Variants in HEATR5B observed in about 807,000 individuals in gnomAD.
HEATR5B encodes HEAT repeat containing 5B.
Under a neutral mutation model 224.1 loss-of-function variants are expected in HEATR5B, and 156 were observed. The observed-to-expected ratio is 0.70, with a 90% CI of 0.61 to 0.80. The LOEUF is 0.80. HEATR5B is among the 30% of genes least tolerant of loss of function. The pLI, the probability that HEATR5B is intolerant of heterozygous loss-of-function variation, is 0.00. For missense variants in HEATR5B, 2,323 were observed against 2,535.5 expected (o/e 0.92, Z 1.80); for synonymous variants, 1,027 against 893.0 (o/e 1.15, Z -2.68).
At chr2:37,020,511 G>A (rs1188604543) in intron 25 of HEATR5B, 144 bp downstream of exon 25, 1 of 515,650 alleles carries the variant, frequency 1.9e-6, no homozygotes, top group East Asian at 3.3e-5. Flanking sequence ...CTAAAACTAG[G>A]TAACAGACAA....
intron 2 of HEATR5B, among the ~76,000 whole-genome samples, chr2:37,081,999 T>C (rs1290785589): frequency 6.8e-6 from 1 of 148,090 alleles, no homozygotes; most frequent in African/African-American, 2.5e-5. Context: ...ACTACTCACT[T>C]TTAAATTTGA....
At chr2:36,996,683 C>G (rs905681803) in intron 33 of HEATR5B, among the ~76,000 whole-genome samples, 8 of 152,016 alleles carry the variant, frequency 5.3e-5, no homozygotes, top group African/African-American at 1.9e-4. Context: ...CCTCTGCATC[C>G]CTGGATTCAA....
At chr2:37,079,007 A>G (rs1199876631) in intron 3 of HEATR5B, 113 bp downstream of exon 3, 2 of 613,216 alleles carry the variant, frequency 3.3e-6, no homozygotes, top group Non-Finnish European at 5.7e-6. Context: ...CACTGTTAGC[A>G]GCATGTCGCA....
chr2:37,050,776 T>G (rs1261624993), intron 17 of HEATR5B, among the ~76,000 whole-genome samples: 1 of 152,180 alleles, frequency 6.6e-6, no homozygotes, highest in Non-Finnish European at 1.5e-5. Context: ...CGCGGTGGCC[T>G]AGGCCTGTAA....
At chr2:37,021,331 C>G (rs1189024514) in intron 24 of HEATR5B, among the ~76,000 whole-genome samples, 1 of 152,292 alleles carries the variant, frequency 6.6e-6, no homozygotes, top group South Asian at 2.1e-4. Context: ...GCCAGGTTCC[C>G]ACAATGATAG....
chr2:37,074,998 C>T (rs561715069), intron 5 of HEATR5B, among the ~76,000 whole-genome samples: 4 of 152,200 alleles, frequency 2.6e-5, no homozygotes, highest in African/African-American at 9.6e-5. Flanking sequence ...CTTTGGAAAA[C>T]AGTTTTGTAC....
intron 20 of HEATR5B, among the ~76,000 whole-genome samples, chr2:37,039,855 TC>T (rs1270687073): frequency 2.0e-5 from 3 of 152,228 alleles, no homozygotes; most frequent in South Asian, 2.1e-4. Flanking sequence ...AAGTTACTTA[TC>T]TTCTCGCAGT....
intron 8 of HEATR5B, among the ~76,000 whole-genome samples, chr2:37,067,375 AAGAC>A (rs1294617721): frequency 3.9e-5 from 6 of 152,260 alleles, no homozygotes; most frequent in Admixed American, 6.5e-5. Flanking sequence ...TTGTGAATCT[AAGAC>A]AGATGACTAT....
intron 2 of HEATR5B, among the ~76,000 whole-genome samples, chr2:37,082,449 C>T (rs1253329829): frequency 2.6e-5 from 4 of 152,158 alleles, no homozygotes; most frequent in African/African-American, 9.7e-5. Flanking sequence ...ATGTTGGGAA[C>T]TGGCTCCAAA....
At chr2:36,990,120 CT>C (rs924555968) in intron 34 of HEATR5B, among the ~76,000 whole-genome samples, 68 of 152,128 alleles carry the variant, frequency 4.5e-4, no homozygotes, top group African/African-American at 1.5e-3. Context: ...TGGTCTCGAA[CT>C]CCTGACCTCC....
At chr2:37,031,276 G>T (rs1178442096) in intron 22 of HEATR5B, among the ~76,000 whole-genome samples, 1 of 151,870 alleles carries the variant, frequency 6.6e-6, no homozygotes, top group East Asian at 1.9e-4. Flanking sequence ...TCAAACCTGG[G>T]GGTGATCTTG....
intron 1 of HEATR5B, among the ~76,000 whole-genome samples, 197 bp downstream of exon 1, chr2:37,084,072 G>A (rs1672811347): frequency 6.6e-6 from 1 of 152,222 alleles, no homozygotes; most frequent in African/African-American, 2.4e-5. Flanking sequence ...CGGACCCGGG[G>A]AAACACCAAG....
chr2:37,021,399 G>A (rs534050857), intron 24 of HEATR5B, among the ~76,000 whole-genome samples: 164 of 152,202 alleles, frequency 1.1e-3, no homozygotes, highest in African/African-American at 3.7e-3. Flanking sequence ...AGGAATCTTC[G>A]GAATACATAT....
intron 33 of HEATR5B, among the ~76,000 whole-genome samples, chr2:36,994,360 A>G (rs1002196644): frequency 4.6e-5 from 7 of 152,210 alleles, no homozygotes; most frequent in African/African-American, 1.7e-4. Context: ...ATCCAAGAAG[A>G]TTTTTGTACG....
In HEATR5B at chr2:36,990,762, T is replaced by A; in HGVS notation, c.5583A>T (p.Leu1861=). The A allele has an allele frequency of 6.2e-7, 1 of 1,610,512 alleles. No individual in the cohort carries two copies. The highest frequency in any genetic ancestry group is 8.5e-7 in the Non-Finnish European group (1 of 1,177,788). ...ACCACAGGAAGAGTGCAATTGCTGT[T>A]AGCATGCTTACTTCATCAGGTGTAG... ...SVPTPDEVSM[L]TAIALFLWSA... is the part of the protein sequence containing the mutation. The change falls in exon 34 of 36, where the codon CTA becomes CTT. Residue 1861 remains leucine (L), a synonymous_variant. Coordinates refer to ENST00000233099, the MANE Select transcript of HEATR5B (RefSeq NM_019024.3).
At chr2:36,994,948 C>T (rs2148349268) in intron 33 of HEATR5B, among the ~76,000 whole-genome samples, 1 of 152,022 alleles carries the variant, frequency 6.6e-6, no homozygotes, top group Non-Finnish European at 1.5e-5. Flanking sequence ...GACGGGGTTT[C>T]ACCATGTTAG....
At position 36,981,441 on chromosome 2, in the gene HEATR5B, T is replaced by A. The variant is rs758436760; in HGVS notation, c.*49A>T. The A allele has an allele frequency of 7.0e-7, 1 of 1,437,996 alleles. No homozygotes were observed. Among genetic ancestry groups the A allele is most frequent in the South Asian group, 1.3e-5 (1 of 76,284 alleles). The allele number at this position is 1,437,996 out of a possible 1,614,324, so 89.1% of individuals were successfully genotyped here. On this transcript the variant is annotated 3_prime_UTR_variant, in exon 36 of 36. Transcript: ENST00000233099. The stretch of plus-strand genomic sequence containing the variant: ...CCTGGAATGATACAGTGGCCATCAC[T>A]AATTAGGGGCTAGTTGACAACATAA...
At chr2:37,029,744 G>C (rs560155167) in intron 22 of HEATR5B, among the ~76,000 whole-genome samples, 198 of 152,112 alleles carry the variant, frequency 1.3e-3, no homozygotes, top group African/African-American at 4.5e-3. Context: ...TTCAAGACCA[G>C]CCTGGCCAAG....
chr2:37,037,533 G>A (rs1271837205), intron 21 of HEATR5B, among the ~76,000 whole-genome samples: 2 of 151,956 alleles, frequency 1.3e-5, no homozygotes, highest in East Asian at 1.9e-4. Context: ...AAAATGAATT[G>A]TCATAAAATG....
Sources: gnomAD v4.1 joint callset for allele counts (sites outside exome capture counted in the v4.1 genomes callset) on GRCh38, gnomAD v4.1.1 for gene constraint, MANE v1.5 for transcripts, NCBI Gene and HGNC (gene_info 2026-07-23, HGNC 2026-07-21) for gene names.